Variants in PRKN observed in about 807,000 individuals in gnomAD.
PRKN encodes the protein E3 ubiquitin-protein ligase parkin.
Under a neutral mutation model 59.5 loss-of-function variants are expected in PRKN, and 56 were observed. That is an observed-to-expected ratio of 0.94 (90% CI 0.76 to 1.18). PRKN has a LOEUF of 1.18. PRKN is among the 50% of genes most tolerant of loss of function. PRKN has a pLI of 0.00. For missense variants in PRKN, 657 were observed against 596.4 expected (o/e 1.10, Z -1.06); for synonymous variants, 250 against 222.1 (o/e 1.13, Z -1.12).
At chr6:162,385,756 C>A (rs1312556364) in intron 2 of PRKN, among the ~76,000 whole-genome samples, 1 of 151,806 alleles carries the variant, frequency 6.6e-6, no homozygotes, top group Non-Finnish European at 1.5e-5. Flanking sequence ...TTTGGTCCTT[C>A]ACAGATTTCT....
intron 5 of PRKN, among the ~76,000 whole-genome samples, chr6:162,033,277 A>G (rs1783709423): frequency 6.6e-6 from 1 of 152,238 alleles, no homozygotes; most frequent in African/African-American, 2.4e-5. Context: ...TGATACCTTC[A>G]GTCTTAAAAA....
intron 2 of PRKN, among the ~76,000 whole-genome samples, chr6:162,290,006 T>C (rs1348159518): frequency 6.6e-6 from 1 of 152,152 alleles, no homozygotes; most frequent in Non-Finnish European, 1.5e-5. Context: ...TGTGAGAAAG[T>C]TGAAAAATAG....
At chr6:161,812,640 C>T (rs183377821) in intron 6 of PRKN, among the ~76,000 whole-genome samples, 1 of 152,210 alleles carries the variant, frequency 6.6e-6, no homozygotes, top group Admixed American at 6.5e-5. Flanking sequence ...AAAGATGGTG[C>T]AGATCATTAC....
chr6:161,622,752 C>A (rs1178008497), intron 7 of PRKN, among the ~76,000 whole-genome samples: 2 of 152,192 alleles, frequency 1.3e-5, no homozygotes, highest in African/African-American at 2.4e-5. Context: ...ATTGGAGAAA[C>A]AAAAGAAATC....
rs986922044 is a variant in PRKN at position 161,566,379 on chromosome 6, T to G, written c.933+2976A>C. Among the ~76,000 whole-genome samples the G allele has an allele frequency of 6.6e-6, 1 of 152,188 alleles. No homozygotes were observed. The highest frequency in any genetic ancestry group is 6.5e-5 in the Admixed American group (1 of 15,278). On this transcript the variant is annotated intron_variant, in intron 8 of 11. Transcript: ENST00000366898. This position sits in a 1 kb window ranked among gnomAD's most constrained non-coding sequence, Gnocchi z 4.1. ...TCTTCCTTTGGCTCCCAGGTCATGA[T>G]ACCTGCCTGGATTTTTTCCCACCTT...
chr6:162,006,530 A>C (rs1221907014), intron 5 of PRKN, among the ~76,000 whole-genome samples: 3 of 152,186 alleles, frequency 2.0e-5, no homozygotes, highest in African/African-American at 7.2e-5. Flanking sequence ...GCCATGGTCT[A>C]CAAGACCAAC....
At chr6:161,515,234 T>TC (rs1296394215) in intron 9 of PRKN, among the ~76,000 whole-genome samples, 26 of 152,100 alleles carry the variant, frequency 1.7e-4, no homozygotes, top group African/African-American at 6.0e-4. Flanking sequence ...CCAACTGTTT[T>TC]CCCCCTTCCT....
chr6:162,303,195 C>T (rs567397842), intron 2 of PRKN, among the ~76,000 whole-genome samples: 152 of 152,276 alleles, frequency 1.0e-3, no homozygotes, highest in African/African-American at 3.6e-3. Flanking sequence ...GCATTTACAT[C>T]AACTAATGTT....
chr6:162,548,323 C>T (rs1308954495), intron 1 of PRKN, among the ~76,000 whole-genome samples: 2 of 152,124 alleles, frequency 1.3e-5, no homozygotes, highest in Non-Finnish European at 2.9e-5. Context: ...TCCCAAAGCG[C>T]TGAAATTACA....
At chr6:161,860,576 T>C (rs1793856126) in intron 6 of PRKN, among the ~76,000 whole-genome samples, 1 of 152,218 alleles carries the variant, frequency 6.6e-6, no homozygotes, top group Admixed American at 6.5e-5. Flanking sequence ...TCTTCCTAGT[T>C]TTAAAACCTT....
At chr6:162,341,750 C>T (rs550123002) in intron 2 of PRKN, among the ~76,000 whole-genome samples, 2 of 151,886 alleles carry the variant, frequency 1.3e-5, no homozygotes, top group African/African-American at 2.4e-5. Flanking sequence ...CACACTGGGG[C>T]CTGTCAGGGG....
chr6:162,201,165 C>T lies in PRKN; in HGVS notation c.500G>A (p.Ser167Asn), dbSNP rs1801474. The T allele has an allele frequency of 0.038, 61,173 of 1,613,996 alleles. 4,876 individuals are homozygous for T. In the East Asian group the frequency reaches 0.39, roughly 10 times the overall value. ...VQPGKLRVQC[S>N]TCRQATLTLT... ...GGTGAGCGTTGCCTGCCTGCAGGTG[C>T]TGCACTGTACCCTGAGTTTTCCCGG... Residue 167 changes from serine (S) to asparagine (N), a missense_variant, in exon 4 of 12, where the codon AGC (serine) becomes AAC (asparagine). Coordinates refer to ENST00000366898, the MANE Select transcript of PRKN (RefSeq NM_004562.3).
intron 6 of PRKN, among the ~76,000 whole-genome samples, chr6:161,826,950 A>C (rs1792270837): frequency 6.6e-6 from 1 of 152,222 alleles, no homozygotes; most frequent in African/African-American, 2.4e-5. Context: ...ATATAGCTCA[A>C]TAAGATGACA....
intron 1 of PRKN, among the ~76,000 whole-genome samples, chr6:162,565,179 G>A (rs1348010586): frequency 1.3e-5 from 2 of 152,078 alleles, no homozygotes; most frequent in Admixed American, 6.6e-5. Flanking sequence ...TATGCAATTG[G>A]TGTTAAGTTG....
intron 2 of PRKN, among the ~76,000 whole-genome samples, chr6:162,429,689 G>A (rs1489105694): frequency 2.6e-5 from 4 of 152,060 alleles, no homozygotes; most frequent in Admixed American, 2.0e-4. Context: ...GAACTCTTAT[G>A]TTTTCTTAAA....
intron 2 of PRKN, among the ~76,000 whole-genome samples, chr6:162,291,301 C>G (rs2128109337): frequency 6.6e-6 from 1 of 152,082 alleles, no homozygotes; most frequent in African/African-American, 2.4e-5. Flanking sequence ...AGGCCTCGTA[C>G]CAGTCTACAG....
At position 161,475,969 on chromosome 6, in the gene PRKN, G is replaced by A. The variant is rs1791048462; in HGVS notation, c.1083+72885C>T. Among the ~76,000 whole-genome samples the A allele has an allele frequency of 6.6e-6, 1 of 152,090 alleles. No homozygotes were observed. The highest frequency in any genetic ancestry group is 1.9e-4 in the East Asian group (1 of 5,164). ...TGGGAGGCCAAGGTGGGCGGATCACGAGGTCAGGAGATGGAGACCATCCTG... is the reference window on the plus strand; with the variant it reads ...TGGGAGGCCAAGGTGGGCGGATCACAAGGTCAGGAGATGGAGACCATCCTG... On this transcript the variant is annotated intron_variant, in intron 9 of 11. Transcript: ENST00000366898. This position sits in a 1 kb window ranked among gnomAD's most constrained non-coding sequence, Gnocchi z 5.3.
chr6:161,704,701 T>C (rs1303981969), intron 7 of PRKN, among the ~76,000 whole-genome samples: 1 of 152,166 alleles, frequency 6.6e-6, no homozygotes, highest in Non-Finnish European at 1.5e-5. Context: ...AAGTGCCTCA[T>C]CCGGTCATTT....
intron 1 of PRKN, among the ~76,000 whole-genome samples, chr6:162,573,308 G>C (rs1436922935): frequency 1.3e-5 from 2 of 152,080 alleles, no homozygotes. Flanking sequence ...GCTCCCCAAG[G>C]AGGACACTGC....
Sources: allele counts gnomAD v4.1 joint callset (sites outside exome capture counted in the v4.1 genomes callset), GRCh38; gene constraint gnomAD v4.1.1; non-coding constraint Gnocchi (gnomAD v3.1); transcripts MANE v1.5; gene names NCBI Gene and HGNC (gene_info 2026-07-23, HGNC 2026-07-21).